The following ELAPOR2 variants were observed in gnomAD, a reference collection of about 807,000 sequenced individuals.
ELAPOR2 encodes endosome-lysosome associated apoptosis and autophagy regulator family member 2.
In ELAPOR2, 89 loss-of-function variants were observed where a neutral mutation model predicts 120.7. The observed-to-expected ratio is 0.74, with a 90% confidence interval of 0.62 to 0.88. The LOEUF is 0.88. Ranked by LOEUF, ELAPOR2 falls within the 40% of genes least tolerant of loss-of-function variation. The pLI, the probability that ELAPOR2 is intolerant of heterozygous loss-of-function variation, is 0.00. For missense variants in ELAPOR2, 1,134 were observed against 1,251.6 expected (o/e 0.91, Z 1.42); for synonymous variants, 444 against 444.9 (o/e 1.00, Z 0.03).
chr7:86,960,059 A>T (rs1248214919), intron 2 of ELAPOR2, among the ~76,000 whole-genome samples: 1 of 152,218 alleles, frequency 6.6e-6, no homozygotes, highest in Non-Finnish European at 1.5e-5. Context: ...CATTGTAGTC[A>T]GAAAAAATAC....
chr7:86,961,469 G>A lies in ELAPOR2; in HGVS notation c.310+3435C>T, dbSNP rs551123786. Among the ~76,000 whole-genome samples the A allele has an allele frequency of 2.0e-5, 3 of 152,300 alleles. No individual in the cohort carries two copies. The South Asian group carries it at 6.2e-4, about 32-fold the overall frequency. ...GAGTTCCAGATTGTCTGAAAAATAT[G>A]TAAAGGAACTCTCTCCCTACTTATA... On this transcript the variant is annotated intron_variant, in intron 2 of 21. Coordinates refer to ENST00000450689, the MANE Select transcript of ELAPOR2 (RefSeq NM_001142749.3).
At chr7:86,961,757 G>C (rs180682594) in intron 2 of ELAPOR2, among the ~76,000 whole-genome samples, 1 of 152,230 alleles carries the variant, frequency 6.6e-6, no homozygotes, top group Non-Finnish European at 1.5e-5. Flanking sequence ...AAAACAAAGA[G>C]TGTTGTGGTT....
intron 1 of ELAPOR2, among the ~76,000 whole-genome samples, chr7:87,022,826 C>T (rs923364538): frequency 3.3e-5 from 5 of 151,802 alleles, no homozygotes; most frequent in Admixed American, 2.0e-4. Context: ...TCTCTGATGG[C>T]CAGTGATAAT....
At chr7:86,960,011 T>C (rs896532714) in intron 2 of ELAPOR2, among the ~76,000 whole-genome samples, 5 of 152,244 alleles carry the variant, frequency 3.3e-5, no homozygotes, top group African/African-American at 1.2e-4. Context: ...TTATCAACTT[T>C]CCCATTTTCC....
At chr7:86,893,136 G>A (rs1442054461) in intron 19 of ELAPOR2, 36 bp from the exon 20 acceptor site, 1 of 1,469,294 alleles carries the variant, frequency 6.8e-7, no homozygotes, top group African/African-American at 1.5e-5. Flanking sequence ...TAGAAGACAT[G>A]AGAAATGAAA....
chr7:87,059,589 C>T lies in ELAPOR2; in HGVS notation c.-76G>A. ...TGCGGCGGCAGCTCCGGCTCCCGGG[C>T]CGCGACTGCTGTGCGCTCGTCTCGC... On this transcript the variant is annotated 5_prime_UTR_variant, in exon 1 of 22. Transcript: ENST00000450689. 1 of 1,127,696 alleles carries T rather than the reference C, an allele frequency of 8.9e-7. No homozygotes were observed. The highest frequency in any genetic ancestry group is 1.1e-6 in the Non-Finnish European group (1 of 922,314). The allele number at this position is 1,127,696 out of a possible 1,614,324, so 69.9% of individuals were successfully genotyped here.
chr7:86,996,890 A>G (rs1348244275), intron 1 of ELAPOR2, among the ~76,000 whole-genome samples: 1 of 152,224 alleles, frequency 6.6e-6, no homozygotes, highest in East Asian at 1.9e-4. Flanking sequence ...AGAGAAGCCC[A>G]GGACCAGCAC....
intron 1 of ELAPOR2, among the ~76,000 whole-genome samples, chr7:87,003,244 T>G (rs1793373235): frequency 6.6e-6 from 1 of 152,216 alleles, no homozygotes; most frequent in South Asian, 2.1e-4. Context: ...CCCACACTTT[T>G]CCCAAGGCCA....
intron 2 of ELAPOR2, among the ~76,000 whole-genome samples, chr7:86,960,500 C>T (rs1791661960): frequency 6.6e-6 from 1 of 152,164 alleles, no homozygotes; most frequent in Admixed American, 6.5e-5. Context: ...ATCCACCAAC[C>T]TCGGCCTCCC....
At chr7:87,017,865 G>A (rs949444566) in intron 1 of ELAPOR2, among the ~76,000 whole-genome samples, 2 of 152,028 alleles carry the variant, frequency 1.3e-5, no homozygotes, top group African/African-American at 2.4e-5. Flanking sequence ...AGGTTGCAGC[G>A]ACCCAGGATC....
At chr7:86,927,084 G>A (rs1243067398) in intron 8 of ELAPOR2, among the ~76,000 whole-genome samples, 168 bp from the exon 9 acceptor site, 2 of 151,902 alleles carry the variant, frequency 1.3e-5, no homozygotes, top group East Asian at 3.9e-4. Flanking sequence ...GAACATTGGT[G>A]GGGAAATGAC....
chr7:86,976,411 T>G (rs1792285582), intron 1 of ELAPOR2, among the ~76,000 whole-genome samples: 1 of 152,108 alleles, frequency 6.6e-6, no homozygotes, highest in Admixed American at 6.5e-5. Flanking sequence ...GAAGTAACAG[T>G]CCCAGGCTCA....
At chr7:87,028,486 GACCTTAGAAA>G (rs1438799571) in intron 1 of ELAPOR2, among the ~76,000 whole-genome samples, 1 of 151,998 alleles carries the variant, frequency 6.6e-6, no homozygotes, top group Non-Finnish European at 1.5e-5. Flanking sequence ...CTCCCTAGGA[GACCTTAGAAA>G]AGCCTATCAT....
intron 18 of ELAPOR2, among the ~76,000 whole-genome samples, chr7:86,905,114 GGAAGGAAGGAAGGAAA>G (rs1273118422): frequency 2.9e-5 from 4 of 137,380 alleles, no homozygotes; most frequent in African/African-American, 1.1e-4. Flanking sequence ...AAGGAAGGAA[GGAAGGAAGGAAGGAAA>G]GAAAGAAAAG....
intron 1 of ELAPOR2, among the ~76,000 whole-genome samples, chr7:87,014,185 A>C (rs1343633971): frequency 6.6e-6 from 1 of 152,150 alleles, no homozygotes; most frequent in Non-Finnish European, 1.5e-5. Flanking sequence ...CTGTGAGTTC[A>C]ACATTAATGA....
At chr7:86,932,575 T>C (rs1790375250) in intron 8 of ELAPOR2, among the ~76,000 whole-genome samples, 1 of 151,990 alleles carries the variant, frequency 6.6e-6, no homozygotes, top group South Asian at 2.1e-4. Context: ...TTCTGTTTAC[T>C]AGCTCCCAAA....
intron 1 of ELAPOR2, among the ~76,000 whole-genome samples, chr7:87,017,654 C>T (rs1410485870): frequency 6.6e-6 from 1 of 152,108 alleles, no homozygotes; most frequent in Non-Finnish European, 1.5e-5. Flanking sequence ...AGCGTGGTGG[C>T]TCGTGCCTGT....
At chr7:86,937,147 G>T (rs1169871067) in intron 8 of ELAPOR2, among the ~76,000 whole-genome samples, 1 of 152,042 alleles carries the variant, frequency 6.6e-6, no homozygotes, top group African/African-American at 2.4e-5. Context: ...CTGTTAGTTT[G>T]AGTTACTGTT....
intron 1 of ELAPOR2, among the ~76,000 whole-genome samples, chr7:87,041,679 G>A (rs557116951): frequency 1.6e-4 from 25 of 151,912 alleles, no homozygotes; most frequent in East Asian, 9.7e-4. Context: ...AAAGACCATC[G>A]AGACTAGGAA....
Sources: allele counts gnomAD v4.1 joint callset (sites outside exome capture counted in the v4.1 genomes callset), GRCh38; gene constraint gnomAD v4.1.1; transcripts MANE v1.5; gene names NCBI Gene and HGNC (gene_info 2026-07-23, HGNC 2026-07-21).